Variants in PTPRT observed in about 807,000 individuals in gnomAD.
PTPRT encodes the protein receptor-type tyrosine-protein phosphatase T.
A neutral mutation model predicts 176.8 loss-of-function variants in PTPRT; 56 were observed. That is an observed-to-expected ratio of 0.32 (90% CI 0.26 to 0.40). The LOEUF (loss-of-function observed/expected upper bound fraction) is 0.40, where lower values mean the gene tolerates loss of function less well. Ranked by LOEUF, PTPRT falls within the 10% of genes least tolerant of loss-of-function variation. The pLI is 1.00. For synonymous variants in PTPRT, 783 were observed against 739.0 expected (o/e 1.06, Z -0.96); for missense variants, 1,540 against 1,908.2 (o/e 0.81, Z 3.60).
At chr20:42,826,137 G>T (rs747603748) in intron 2 of PTPRT, among the ~76,000 whole-genome samples, 47 of 152,026 alleles carry the variant, frequency 3.1e-4, no homozygotes, top group African/African-American at 1.1e-3. Context: ...CTGAGAGGGG[G>T]TAAGTCACCA....
At chr20:42,098,300 G>A (rs1461546337) in intron 27 of PTPRT, 121 bp downstream of exon 27, 1 of 1,382,744 alleles carries the variant, frequency 7.2e-7, no homozygotes, top group African/African-American at 1.4e-5. Flanking sequence ...GCCAGACACT[G>A]CTTATTACAA....
At chr20:42,955,399 G>C (rs752889147) in intron 1 of PTPRT, among the ~76,000 whole-genome samples, 1 of 152,140 alleles carries the variant, frequency 6.6e-6, no homozygotes, top group Admixed American at 6.5e-5. Context: ...GTTGTCACAA[G>C]CAGCATCTTT....
intron 5 of PTPRT, among the ~76,000 whole-genome samples, chr20:42,767,719 T>G (rs998415569): frequency 2.7e-5 from 4 of 146,420 alleles, no homozygotes; most frequent in Non-Finnish European, 6.0e-5. Context: ...ATATATTTTA[T>G]AAAATATATA....
At chr20:42,098,361 C>T in intron 27 of PTPRT, 60 bp downstream of exon 27, 1 of 1,599,680 alleles carries the variant, frequency 6.3e-7, no homozygotes, top group Non-Finnish European at 8.5e-7. Flanking sequence ...AGGGATCTCC[C>T]TCCAGGTTTA....
chr20:43,086,534 C>T (rs958648485), intron 1 of PTPRT, among the ~76,000 whole-genome samples: 2 of 152,142 alleles, frequency 1.3e-5, no homozygotes, highest in Non-Finnish European at 1.5e-5. Flanking sequence ...GTATTTTGGC[C>T]TGATGAATAA....
At chr20:43,136,674 T>G (rs2013842971) in intron 1 of PTPRT, among the ~76,000 whole-genome samples, 1 of 152,106 alleles carries the variant, frequency 6.6e-6, no homozygotes, top group Admixed American at 6.5e-5. Flanking sequence ...CTCAGACACC[T>G]CCACACCCTT....
intron 18 of PTPRT, among the ~76,000 whole-genome samples, chr20:42,130,929 A>G (rs1314081251): frequency 6.6e-6 from 1 of 152,190 alleles, no homozygotes. Flanking sequence ...CAAAATAGCC[A>G]TATAGGTTAT....
At chr20:42,114,284 G>A in intron 22 of PTPRT, among the ~76,000 whole-genome samples, 1 of 152,186 alleles carries the variant, frequency 6.6e-6, no homozygotes, top group Non-Finnish European at 1.5e-5. Flanking sequence ...TTCTTCATAT[G>A]TAAAATGGGG....
At chr20:42,651,604 A>T (rs1323942972) in intron 7 of PTPRT, among the ~76,000 whole-genome samples, 8 of 152,140 alleles carry the variant, frequency 5.3e-5, no homozygotes, top group Admixed American at 5.2e-4. Context: ...CTTTTCTAGA[A>T]CATTACTAAT....
rs2071211152 is a variant in PTPRT, at chr20:42,472,303, C to T, written c.1413G>A (p.Met471Ile). The change falls in exon 8 of 31, where the codon ATG (methionine) becomes ATA (isoleucine). Residue 471 changes from methionine (M) to isoleucine (I), a missense_variant. By Grantham distance (10) the Met-to-Ile change is conservative. Around this residue, in one of 11 missense-constraint regions of PTPRT, gnomAD observed 79 missense variants for 80.0 expected, o/e 0.99. Coordinates refer to ENST00000373187, the MANE Select transcript of PTPRT (RefSeq NM_007050.6). ...RLLLSNPEGR[M>I]ESEELVVQTE... ...TCTGCACCACCAGCTCCTCGCTCTC[C>T]ATTCGGCCCTCGGGGTTAGACAGCA... 6.2e-7 allele frequency: 1 copy of T among 1,614,226 alleles called. No homozygotes were observed. The highest frequency in any genetic ancestry group is 1.1e-5 in the South Asian group (1 of 91,090).
chr20:42,211,268 A>C (rs8183426), intron 15 of PTPRT, among the ~76,000 whole-genome samples: 1 of 151,606 alleles, frequency 6.6e-6, no homozygotes, highest in Non-Finnish European at 1.5e-5. Context: ...ACCAAAAGCA[A>C]TGGCAACAAA....
At chr20:42,672,555 A>G (rs1181614607) in intron 7 of PTPRT, among the ~76,000 whole-genome samples, 1 of 152,202 alleles carries the variant, frequency 6.6e-6, no homozygotes, top group Non-Finnish European at 1.5e-5. Context: ...GCATGGGAGT[A>G]TCACCTTTGA....
Position 42,965,258 on chromosome 20 carries a change from A to G in PTPRT, c.89-79326T>C, listed in dbSNP as rs140052448. On this transcript the variant is annotated intron_variant, in intron 1 of 30. Coordinates refer to ENST00000373187, the MANE Select transcript of PTPRT (RefSeq NM_007050.6). ...TCTGGGAAAGAAAGCCCGGATTTATAGTATTTGCTGCTCTCTGTGGCTTAA... is the reference window on the plus strand; with the variant it reads ...TCTGGGAAAGAAAGCCCGGATTTATGGTATTTGCTGCTCTCTGTGGCTTAA... Among the ~76,000 whole-genome samples, 107 of 152,360 alleles carry G rather than the reference A, an allele frequency of 7.0e-4. 1 individual carries two copies. The highest frequency in any genetic ancestry group is 2.4e-3 in the African/African-American group (100 of 41,594).
intron 1 of PTPRT, among the ~76,000 whole-genome samples, chr20:43,037,206 T>C (rs983142543): frequency 6.6e-6 from 1 of 152,246 alleles, no homozygotes; most frequent in Non-Finnish European, 1.5e-5. Flanking sequence ...TAATTGCATT[T>C]ATGGCGTGTT....
At chr20:42,377,576 A>T (rs760443830) in intron 9 of PTPRT, among the ~76,000 whole-genome samples, 3 of 152,204 alleles carry the variant, frequency 2.0e-5, no homozygotes, top group Non-Finnish European at 4.4e-5. Context: ...ACATGGTGTA[A>T]CGAGGTTCTA....
At chr20:43,017,643 C>T (rs992102484) in intron 1 of PTPRT, among the ~76,000 whole-genome samples, 4 of 152,338 alleles carry the variant, frequency 2.6e-5, no homozygotes, top group African/African-American at 4.8e-5. Flanking sequence ...CAAGGAAGGA[C>T]AGACGAGCTT....
intron 12 of PTPRT, among the ~76,000 whole-genome samples, chr20:42,291,908 AAATTTTTAAAGGTAG>A (rs1268634648): frequency 6.6e-6 from 1 of 152,126 alleles, no homozygotes; most frequent in African/African-American, 2.4e-5. Context: ...TTCAGGTTTA[AAATTTTTAAAGGTAG>A]AGGCTGTTAC....
chr20:42,582,282 C>A (rs1008225974), intron 7 of PTPRT, among the ~76,000 whole-genome samples: 2 of 152,084 alleles, frequency 1.3e-5, no homozygotes, highest in African/African-American at 4.8e-5. Flanking sequence ...AAAGGCAAGG[C>A]CTGGGGTGGA....
chr20:42,616,214 T>C lies in PTPRT; in HGVS notation c.1153+61652A>G, dbSNP rs1401017894. Among the ~76,000 whole-genome samples, 24 of 124,498 alleles carry C rather than the reference T, an allele frequency of 1.9e-4. 5 individuals are homozygous for C. Among genetic ancestry groups the C allele is most frequent in the Non-Finnish European group, 5.0e-5 (3 of 60,560 alleles). The allele number at this position is 124,498 out of a possible 152,430, so 81.7% of individuals were successfully genotyped here. On this transcript the variant is annotated intron_variant, in intron 7 of 30. Transcript: ENST00000373187. ...TAGGGAATCCTTTCCCCATTGCTTG[T>C]TTTTCTCAGGTTTGTCAAAGATCAG... is the stretch of plus-strand genomic sequence containing the variant.
Sources: gnomAD v4.1 joint callset for allele counts (sites outside exome capture counted in the v4.1 genomes callset) on GRCh38, gnomAD v4.1.1 for gene constraint, gnomAD v4.1.1 regional missense constraint, MANE v1.5 for transcripts, NCBI Gene and HGNC (gene_info 2026-07-23, HGNC 2026-07-21) for gene names.